The following RBMS3 variants were observed in gnomAD, a reference collection of about 807,000 sequenced individuals.
The protein encoded by RBMS3 is RNA-binding motif, single-stranded-interacting protein 3.
In RBMS3, 27 loss-of-function variants were observed where a neutral mutation model predicts 66.8. That is an observed-to-expected ratio of 0.40 (90% confidence interval 0.30 to 0.56). The LOEUF is 0.56. Among genes scored for constraint, RBMS3 ranks in the 20% least tolerant of loss-of-function variants. RBMS3 has a pLI of 0.40. For missense variants in RBMS3, 513 were observed against 549.5 expected (o/e 0.93, Z 0.66); for synonymous variants, 188 against 183.0 (o/e 1.03, Z -0.22).
chr3:29,531,999 G>T (rs1186899791), intron 3 of RBMS3, among the ~76,000 whole-genome samples: 1 of 151,942 alleles, frequency 6.6e-6, no homozygotes, highest in African/African-American at 2.4e-5. Context: ...TGGAATAACA[G>T]AAACGGAGCC....
chr3:29,835,554 G>T (rs768654568), intron 6 of RBMS3, among the ~76,000 whole-genome samples: 5 of 151,468 alleles, frequency 3.3e-5, no homozygotes, highest in Admixed American at 2.0e-4. Context: ...AAAATTAAAA[G>T]ATAATTAAAA....
At chr3:29,382,205 T>C (rs1338725988) in intron 1 of RBMS3, among the ~76,000 whole-genome samples, 5 of 152,120 alleles carry the variant, frequency 3.3e-5, no homozygotes, top group Non-Finnish European at 7.3e-5. Context: ...TTAGTTCCCA[T>C]GTTGTCTTAG....
chr3:29,543,923 A>T, intron 3 of RBMS3, among the ~76,000 whole-genome samples: 1 of 152,136 alleles, frequency 6.6e-6, no homozygotes, highest in Non-Finnish European at 1.5e-5. Context: ...GGATATAATT[A>T]TTTGGGTAAT....
At chr3:29,942,935 G>T (rs949627079) in intron 11 of RBMS3, among the ~76,000 whole-genome samples, 1 of 150,750 alleles carries the variant, frequency 6.6e-6, no homozygotes, top group African/African-American at 2.4e-5. Flanking sequence ...TTCTAGATTT[G>T]GGGATTATAA....
chr3:29,839,585 G>C (rs1019834625), intron 6 of RBMS3, among the ~76,000 whole-genome samples: 2 of 151,284 alleles, frequency 1.3e-5, no homozygotes, highest in African/African-American at 4.8e-5. Flanking sequence ...GAAAAAAAGA[G>C]AAAATAATAA....
At chr3:29,845,270 G>A (rs2371833) in intron 6 of RBMS3, among the ~76,000 whole-genome samples, 66,927 of 152,000 alleles carry the variant, frequency 0.44, 15,365 homozygotes, top group Non-Finnish European at 0.52. Flanking sequence ...GTAGTTAAGA[G>A]TCTGCCACTA....
At chr3:29,836,146 C>T (rs186223455) in intron 6 of RBMS3, among the ~76,000 whole-genome samples, 6 of 152,004 alleles carry the variant, frequency 3.9e-5, no homozygotes, top group Admixed American at 3.3e-4. Context: ...AAAGAAAAAC[C>T]TATGACCTAA....
chr3:29,838,568 C>A (rs1478224081), intron 6 of RBMS3, among the ~76,000 whole-genome samples: 1 of 152,044 alleles, frequency 6.6e-6, no homozygotes, highest in Non-Finnish European at 1.5e-5. Flanking sequence ...TTGTGAACGT[C>A]CCACTTTGTC....
intron 6 of RBMS3, among the ~76,000 whole-genome samples, chr3:29,798,686 A>C (rs1030486441): frequency 6.6e-6 from 1 of 152,190 alleles, no homozygotes; most frequent in Non-Finnish European, 1.5e-5. Context: ...AAGAAGGTTA[A>C]GTTTTATAGA....
intron 1 of RBMS3, among the ~76,000 whole-genome samples, chr3:29,348,791 C>T (rs1356065844): frequency 2.6e-5 from 4 of 152,010 alleles, no homozygotes; most frequent in East Asian, 1.9e-4. Flanking sequence ...GGCTCAATTC[C>T]GAAATTAGAA....
chr3:29,886,398 A>G (rs1411832290), intron 8 of RBMS3, among the ~76,000 whole-genome samples: 1 of 151,904 alleles, frequency 6.6e-6, no homozygotes, highest in Non-Finnish European at 1.5e-5. Flanking sequence ...CCAGTCTGTA[A>G]CACTAAATAG....
At chr3:29,656,139 A>G (rs2050319886) in intron 4 of RBMS3, among the ~76,000 whole-genome samples, 1 of 152,134 alleles carries the variant, frequency 6.6e-6, no homozygotes, top group Non-Finnish European at 1.5e-5. Flanking sequence ...TTTATTATTG[A>G]GGAAAGAAAA....
chr3:29,449,087 A>G lies in RBMS3; in HGVS notation c.248+14172A>G, dbSNP rs534624756. Among the ~76,000 whole-genome samples, 772 of 152,342 alleles carry G rather than the reference A, an allele frequency of 5.1e-3. 2 individuals carry two copies. Among genetic ancestry groups the G allele is most frequent in the Non-Finnish European group, 9.5e-3 (645 of 68,030 alleles). On this transcript the variant is annotated intron_variant, in intron 2 of 14. Transcript: ENST00000383767. ...ATTATTTCCACATCATTTGTGGATG[A>G]CACCAAACCATAATGCTAACTTGTC...
chr3:29,350,092 G>A (rs1208291515), intron 1 of RBMS3, among the ~76,000 whole-genome samples: 2 of 151,728 alleles, frequency 1.3e-5, no homozygotes, highest in Admixed American at 6.6e-5. Flanking sequence ...CCTGGGAGGC[G>A]GAGGTTGCAG....
At chr3:29,603,758 A>T (rs2048229515) in intron 4 of RBMS3, among the ~76,000 whole-genome samples, 10 of 152,046 alleles carry the variant, frequency 6.6e-5, no homozygotes, top group Admixed American at 6.6e-4. Context: ...GCAGATAAGT[A>T]AGTAGGTAAT....
intron 3 of RBMS3, among the ~76,000 whole-genome samples, chr3:29,517,266 C>A (rs2044663309): frequency 8.3e-6 from 1 of 121,042 alleles, no homozygotes. Flanking sequence ...GAGGTGATTT[C>A]ATATATGTGT....
rs959275551 is a variant in RBMS3 at position 30,009,716 on chromosome 3, T to C, written c.*5854T>C. The C allele has an allele frequency of 2.0e-5, 3 of 152,160 alleles. No individual in the cohort carries two copies. Among genetic ancestry groups the C allele is most frequent in the African/African-American group, 7.2e-5 (3 of 41,448 alleles). 9.4% of individuals were successfully genotyped at this position (152,160 alleles called of 1,614,324 possible). On this transcript the variant is annotated 3_prime_UTR_variant, in exon 15 of 15. Transcript: ENST00000383767. ...TTCATTACATTTTGACTGCGTTACT[T>C]ATTAAGGCCGAATGACTTTGACACC...
chr3:30,003,867 G>A lies in RBMS3; in HGVS notation c.*5G>A. On this transcript the variant is annotated 3_prime_UTR_variant, in exon 15 of 15. Transcript: ENST00000383767. ...AATTGTTTTCACAGACCATAAACAG[G>A]ACTGAAGAATGTCTGTCTGAATCTT... 1.4e-6 allele frequency: 2 copies of A among 1,451,694 alleles called. No individual in the cohort carries two copies. The highest frequency in any genetic ancestry group is 1.8e-6 in the Non-Finnish European group (2 of 1,096,570). The allele number at this position is 1,451,694 out of a possible 1,614,324, so 89.9% of individuals were successfully genotyped here.
intron 3 of RBMS3, among the ~76,000 whole-genome samples, chr3:29,558,546 A>C (rs1268821623): frequency 6.6e-6 from 1 of 152,242 alleles, no homozygotes; most frequent in Non-Finnish European, 1.5e-5. Flanking sequence ...ACTAAATTTC[A>C]AAGAATGATG....
Sources: allele counts gnomAD v4.1 joint callset (sites outside exome capture counted in the v4.1 genomes callset), GRCh38; gene constraint gnomAD v4.1.1; transcripts MANE v1.5; gene names NCBI Gene and HGNC (gene_info 2026-07-23, HGNC 2026-07-21).